FAM161A: variants seen among roughly 807,000 people sequenced by gnomAD.
FAM161A encodes protein FAM161A.
In FAM161A, 57 loss-of-function variants were observed where a neutral mutation model predicts 70.9. The ratio of observed to expected loss-of-function variants is 0.80; its 90% CI spans 0.65 to 1.00. The LOEUF (loss-of-function observed/expected upper bound fraction) is 1.00. Among genes scored for constraint, FAM161A ranks in the 50% least tolerant of loss-of-function variants. The pLI is 0.00. For missense variants in FAM161A, 880 were observed against 836.0 expected, an observed-to-expected ratio of 1.05 and a Z score of -0.65; for synonymous variants, 299 against 295.7, an observed-to-expected ratio of 1.01 and a Z score of -0.12.
downstream of FAM161A, chr2:61,820,467 CT>C (rs1450655311): frequency 4.8e-5 from 36 of 755,630 alleles, no homozygotes; most frequent in Non-Finnish European, 2.4e-6. Flanking sequence ...AGAGGGCTGT[CT>C]CAAGAGAAGG....
chr2:61,806,075 G>T, the FAM161A span, among the ~76,000 whole-genome samples: 1 of 152,046 alleles, frequency 6.6e-6, no homozygotes, highest in Non-Finnish European at 1.5e-5. Flanking sequence ...AAAATTAGCC[G>T]GGTGTGGTGG....
intron 1 of FAM161A, among the ~76,000 whole-genome samples, chr2:61,850,422 CGTGTGTAT>C (rs1322052034): frequency 1.3e-5 from 2 of 151,696 alleles, no homozygotes; most frequent in African/African-American, 2.4e-5. Context: ...TGTGTGCGTT[CGTGTGTAT>C]GTGTGTATAT....
chr2:61,834,272 G>A (rs1672690287), intron 5 of FAM161A, among the ~76,000 whole-genome samples: 1 of 152,058 alleles, frequency 6.6e-6, no homozygotes, highest in South Asian at 2.1e-4. Flanking sequence ...AACATCATAT[G>A]TTCTCACTTA....
the FAM161A span, among the ~76,000 whole-genome samples, chr2:61,802,757 C>T: frequency 6.6e-6 from 1 of 152,142 alleles, no homozygotes; most frequent in Non-Finnish European, 1.5e-5. Flanking sequence ...CTCCTATGCA[C>T]CAGGCACTAT....
At chr2:61,815,535 C>CGTTT in the FAM161A span, among the ~76,000 whole-genome samples, 1 of 53,210 alleles carries the variant, frequency 1.9e-5, no homozygotes, top group Non-Finnish European at 3.2e-5. Flanking sequence ...AAAGATGTGT[C>CGTTT]TTTTTTTTTT....
In FAM161A at chr2:61,840,195, T is replaced by G. The variant is rs759718216; in HGVS notation, c.809A>C (p.Lys270Thr). 3.7e-6 allele frequency: 6 copies of G among 1,614,002 alleles called. No homozygotes were observed. The African/African-American group carries it at 8.0e-5, about 22-fold the overall frequency. Residue 270 changes from lysine to threonine, a missense_variant, in exon 3 of 7, where the codon AAA (lysine) becomes ACA (threonine). Transcript: ENST00000404929. ...SDIEMVHKAL[K>T]KQEEDPEYKK... ...ATACTCTGGATCCTCTTCTTGTTTT[T>G]TGAGCGCTTTATGTACCATTTCGAT...
At chr2:61,817,141 C>T in the FAM161A span, among the ~76,000 whole-genome samples, 1 of 152,214 alleles carries the variant, frequency 6.6e-6, no homozygotes, top group Non-Finnish European at 1.5e-5. Context: ...CGGTCAAGTG[C>T]CACGCGGGGA....
chr2:61,851,255 A>C (rs961887016), intron 1 of FAM161A, among the ~76,000 whole-genome samples: 1 of 152,210 alleles, frequency 6.6e-6, no homozygotes, highest in African/African-American at 2.4e-5. Context: ...CTGAATAGTT[A>C]ATGACTAGCA....
intron 1 of FAM161A, among the ~76,000 whole-genome samples, chr2:61,850,416 T>C (rs1673457728): frequency 6.6e-6 from 1 of 151,740 alleles, no homozygotes; most frequent in African/African-American, 2.4e-5. Context: ...TATGTGTGTG[T>C]GCGTTCGTGT....
chr2:61,846,076 A>G (rs1673199569), intron 1 of FAM161A, among the ~76,000 whole-genome samples: 1 of 130,700 alleles, frequency 7.7e-6, no homozygotes, highest in Non-Finnish European at 1.6e-5. Context: ...GCGATCAAGC[A>G]AGACTCTGTC....
At chr2:61,814,903 G>A in the FAM161A span, among the ~76,000 whole-genome samples, 1 of 152,104 alleles carries the variant, frequency 6.6e-6, no homozygotes, top group African/African-American at 2.4e-5. Context: ...AAGAAATACA[G>A]TTATCCTTTC....
chr2:61,806,446 A>G, the FAM161A span, among the ~76,000 whole-genome samples: 1 of 152,066 alleles, frequency 6.6e-6, no homozygotes, highest in Non-Finnish European at 1.5e-5. Flanking sequence ...TCATTGTGAG[A>G]TATTCATTTT....
the FAM161A span, chr2:61,803,475 A>G: frequency 1.7e-6 from 1 of 597,462 alleles, no homozygotes; most frequent in Admixed American, 2.7e-5. Flanking sequence ...CGAAGGAGTA[A>G]AGATATTGCA....
the FAM161A span, among the ~76,000 whole-genome samples, chr2:61,816,028 T>C: frequency 6.6e-6 from 1 of 152,304 alleles, no homozygotes; most frequent in South Asian, 2.1e-4. Flanking sequence ...AACCAGTTAC[T>C]GCTGGCTCTG....
chr2:61,820,156 C>G, downstream of FAM161A: 1 of 499,408 alleles, frequency 2.0e-6, no homozygotes, highest in Non-Finnish European at 3.6e-6. Context: ...CTGTCCGTGG[C>G]CGCCACCAGG....
At chr2:61,808,171 T>A in the FAM161A span, among the ~76,000 whole-genome samples, 1 of 152,246 alleles carries the variant, frequency 6.6e-6, no homozygotes, top group Non-Finnish European at 1.5e-5. Context: ...GAAATTGCCT[T>A]ATCTTTTCAA....
rs532671656 is a variant in FAM161A, at chr2:61,825,311, A to C, written c.*1144T>G. The C allele has an allele frequency of 1.8e-4, 80 of 454,256 alleles. 1 individual carries two copies. The highest frequency in any genetic ancestry group is 3.3e-4 in the Non-Finnish European group (75 of 226,792). 28.1% of individuals were successfully genotyped at this position (454,256 alleles called of 1,614,324 possible). ...CAATAATATGTAAAAAGTTGAACAC[A>C]ACTGGGTCTAGCAGTGAAGAGTTAA... On this transcript the variant is annotated 3_prime_UTR_variant, in exon 7 of 7. Coordinates refer to ENST00000404929, the MANE Select transcript of FAM161A (RefSeq NM_001201543.2).
chr2:61,851,390 G>A lies in FAM161A; in HGVS notation c.183+2469C>T, dbSNP rs979686349. Among the ~76,000 whole-genome samples, 26 of 151,940 alleles carry A rather than the reference G, an allele frequency of 1.7e-4. 1 individual carries two copies. The highest frequency in any genetic ancestry group is 1.6e-3 in the Admixed American group (24 of 15,258). On this transcript the variant is annotated intron_variant, in intron 1 of 6. Transcript: ENST00000404929. Reference sequence around the variant, plus strand: ...CTCACTCTGTTGCCCAGGCTGGAGTGCAGTTTTTGCATCTCAGCTCACTGC... The same window carrying A: ...CTCACTCTGTTGCCCAGGCTGGAGTACAGTTTTTGCATCTCAGCTCACTGC...
chr2:61,807,876 A>C, the FAM161A span, among the ~76,000 whole-genome samples: 6 of 152,126 alleles, frequency 3.9e-5, no homozygotes, highest in Non-Finnish European at 8.8e-5. Flanking sequence ...CCAGGCCTCA[A>C]ATAAACCTCC....
Sources: gnomAD v4.1 joint callset for allele counts (sites outside exome capture counted in the v4.1 genomes callset) on GRCh38, gnomAD v4.1.1 for gene constraint, MANE v1.5 for transcripts, NCBI Gene and HGNC (gene_info 2026-07-23, HGNC 2026-07-21) for gene names.